The following RALGPS2 variants were observed in gnomAD, a reference collection of about 807,000 sequenced individuals.
The protein encoded by RALGPS2 is ras-specific guanine nucleotide-releasing factor RalGPS2.
Under a neutral mutation model 86.8 loss-of-function variants are expected in RALGPS2, and 43 were observed. That is an observed-to-expected ratio of 0.50 (90% CI 0.39 to 0.64). The LOEUF is 0.64. Among genes scored for constraint, RALGPS2 ranks in the 30% least tolerant of loss-of-function variants. RALGPS2 has a pLI of 0.00. For missense variants in RALGPS2, 536 were observed against 694.6 expected, an observed-to-expected ratio of 0.77 and a Z score of 2.57; for synonymous variants, 243 against 231.3, an observed-to-expected ratio of 1.05 and a Z score of -0.46.
chr1:178,788,841 CTTT>C (rs1653805851), intron 4 of RALGPS2, among the ~76,000 whole-genome samples: 1 of 132,442 alleles, frequency 7.6e-6, no homozygotes, highest in Non-Finnish European at 1.6e-5. Flanking sequence ...TTCTTTCTTT[CTTT>C]CTTTTCTTTT....
chr1:178,872,052 T>G (rs1658788092), intron 8 of RALGPS2, among the ~76,000 whole-genome samples: 1 of 152,236 alleles, frequency 6.6e-6, no homozygotes, highest in Non-Finnish European at 1.5e-5. Flanking sequence ...GGAACTGGGA[T>G]TTGAATCTAA....
chr1:178,889,645 G>A lies in RALGPS2; in HGVS notation c.1196G>A (p.Ser399Asn). ...STLSSGISIG[S>N]SDGSELSEET... is the part of the protein sequence containing the mutation. ...ATAGGATAACTTTTCATTTTAGGTA[G>A]CAGCGATGGTTCTGAACTAAGTGAA... Residue 399 changes from serine (S) to asparagine (N), a missense_variant, in exon 14 of 20, where the codon AGC becomes AAC. By Grantham distance (46) the Ser-to-Asn change is conservative. Coordinates refer to ENST00000367635, the MANE Select transcript of RALGPS2 (RefSeq NM_152663.5). The A allele has an allele frequency of 4.4e-6, 7 of 1,603,008 alleles. No individual in the cohort carries two copies. The highest frequency in any genetic ancestry group is 5.1e-6 in the Non-Finnish European group (6 of 1,172,488).
intron 10 of RALGPS2, among the ~76,000 whole-genome samples, chr1:178,881,804 T>C (rs1449060323): frequency 6.6e-6 from 1 of 152,106 alleles, no homozygotes; most frequent in East Asian, 1.9e-4. Flanking sequence ...TAATTTAGTG[T>C]GTTTGAAAAA....
At chr1:178,783,269 A>T (rs1028872752) in intron 2 of RALGPS2, among the ~76,000 whole-genome samples, 9 of 152,298 alleles carry the variant, frequency 5.9e-5, no homozygotes, top group Non-Finnish European at 1.5e-5. Flanking sequence ...ACAGCCAAGG[A>T]AAGAATCAGT....
chr1:178,799,126 A>G (rs1372211896), intron 4 of RALGPS2, among the ~76,000 whole-genome samples: 1 of 152,026 alleles, frequency 6.6e-6, no homozygotes, highest in African/African-American at 2.4e-5. Flanking sequence ...CACAACCTCC[A>G]CCTCCTGGGT....
chr1:178,751,712 A>G (rs890911061), intron 1 of RALGPS2, among the ~76,000 whole-genome samples: 2 of 152,160 alleles, frequency 1.3e-5, no homozygotes, highest in African/African-American at 4.8e-5. Flanking sequence ...GAGTAAGTGT[A>G]TCTTCAGAGA....
At chr1:178,886,841 C>T (rs1265627770) in intron 13 of RALGPS2, among the ~76,000 whole-genome samples, 2 of 152,118 alleles carry the variant, frequency 1.3e-5, no homozygotes, top group Non-Finnish European at 1.5e-5. Flanking sequence ...GAGGAAAGTA[C>T]TGAATGTGTG....
chr1:178,726,336 C>G (rs1044698436), intron 1 of RALGPS2: 12 of 152,816 alleles, frequency 7.9e-5, no homozygotes, highest in African/African-American at 2.7e-4. Flanking sequence ...CAGCTCCCCC[C>G]TCGAAGCTCT....
At chr1:178,800,029 G>A (rs201855489) in intron 4 of RALGPS2, among the ~76,000 whole-genome samples, 2 of 152,140 alleles carry the variant, frequency 1.3e-5, no homozygotes, top group Admixed American at 6.5e-5. Flanking sequence ...TTCAAGATAC[G>A]GATCTTGGAG....
intron 8 of RALGPS2, among the ~76,000 whole-genome samples, chr1:178,860,030 A>G (rs1657889665): frequency 1.3e-5 from 2 of 151,988 alleles, no homozygotes; most frequent in South Asian, 4.2e-4. Context: ...TTTATTTTAC[A>G]AAAGAGGCAA....
At chr1:178,877,100 T>C (rs1030674064) in intron 8 of RALGPS2, among the ~76,000 whole-genome samples, 2 of 152,134 alleles carry the variant, frequency 1.3e-5, no homozygotes, top group Admixed American at 1.3e-4. Flanking sequence ...GATACTTGCA[T>C]AGGTTTTAAG....
intron 1 of RALGPS2, among the ~76,000 whole-genome samples, chr1:178,765,797 T>C (rs1652475718): frequency 6.6e-6 from 1 of 152,208 alleles, no homozygotes; most frequent in Admixed American, 6.5e-5. Flanking sequence ...TGTTGCTTGC[T>C]GAGAAAAAGA....
In RALGPS2 at chr1:178,886,009, A is replaced by G. The variant is rs1256339288; in HGVS notation, c.1081A>G (p.Thr361Ala). Residue 361 changes from threonine to alanine, a missense_variant, in exon 13 of 20, where the codon ACG (threonine) becomes GCG (alanine). By Grantham distance (58) the Thr-to-Ala change is moderately conservative. Coordinates refer to ENST00000367635, the MANE Select transcript of RALGPS2 (RefSeq NM_152663.5). Reference sequence around the variant, plus strand: ...GAACACAGCAGAATTTAAGAGTGCAACGTTTCCAAATGCAGGACCAAGACA... The same window carrying G: ...GAACACAGCAGAATTTAAGAGTGCAGCGTTTCCAAATGCAGGACCAAGACA... ...KMNTAEFKSA[T>A]FPNAGPRHLL... is the part of the protein sequence containing the mutation. 1 of 1,611,836 alleles carries G rather than the reference A, an allele frequency of 6.2e-7. No homozygotes were observed. Among genetic ancestry groups the G allele is most frequent in the Non-Finnish European group, 8.5e-7 (1 of 1,178,926 alleles).
At chr1:178,819,063 A>G (rs898780591) in intron 6 of RALGPS2, among the ~76,000 whole-genome samples, 1 of 149,190 alleles carries the variant, frequency 6.7e-6, no homozygotes, top group Non-Finnish European at 1.5e-5. Flanking sequence ...AGCATGGCTC[A>G]TCACAACCTG....
At chr1:178,823,990 A>T (rs530391235) in intron 7 of RALGPS2, among the ~76,000 whole-genome samples, 1 of 152,344 alleles carries the variant, frequency 6.6e-6, no homozygotes, top group South Asian at 2.1e-4. Flanking sequence ...CCAAGTAGAG[A>T]TTGGAAAAAT....
chr1:178,852,492 G>C (rs1181124645), intron 8 of RALGPS2, among the ~76,000 whole-genome samples: 10 of 152,082 alleles, frequency 6.6e-5, no homozygotes, highest in African/African-American at 2.4e-4. Flanking sequence ...TTTTCACATA[G>C]ATCACACTTT....
intron 2 of RALGPS2, among the ~76,000 whole-genome samples, chr1:178,780,969 G>A (rs1653364678): frequency 6.6e-6 from 1 of 151,470 alleles, no homozygotes; most frequent in South Asian, 2.1e-4. Context: ...TGTAATATAT[G>A]TTTGTTTTCT....
intron 5 of RALGPS2, 148 bp downstream of exon 5, chr1:178,808,276 T>A: frequency 1.6e-6 from 1 of 633,640 alleles, no homozygotes; most frequent in South Asian, 2.0e-5. Context: ...GATCTCTTTT[T>A]TTCTCTGTAA....
At chr1:178,733,340 T>G (rs1650503259) in intron 1 of RALGPS2, among the ~76,000 whole-genome samples, 1 of 152,180 alleles carries the variant, frequency 6.6e-6, no homozygotes, top group African/African-American at 2.4e-5. Flanking sequence ...GACTTATATA[T>G]AGAGTATATT....
Sources: allele counts gnomAD v4.1 joint callset (sites outside exome capture counted in the v4.1 genomes callset), GRCh38; gene constraint gnomAD v4.1.1; transcripts MANE v1.5; gene names NCBI Gene and HGNC (gene_info 2026-07-23, HGNC 2026-07-21).